The following TYR variants were observed in gnomAD, a reference collection of about 807,000 sequenced individuals.
TYR encodes the protein LB24-AB.
Under a neutral mutation model 51.5 loss-of-function variants are expected in TYR, and 58 were observed. The observed-to-expected ratio is 1.13, with a 90% CI of 0.91 to 1.40. The LOEUF (loss-of-function observed/expected upper bound fraction) is 1.40, where lower values mean the gene tolerates loss of function less well. Among genes scored for constraint, TYR ranks in the 40% most tolerant of loss-of-function variants. TYR has a pLI of 0.00. For missense variants in TYR, 732 were observed against 647.4 expected, an observed-to-expected ratio of 1.13 and a Z score of -1.42; for synonymous variants, 263 against 235.2, an observed-to-expected ratio of 1.12 and a Z score of -1.08.
chr11:89,190,205 A>T (rs1943424188), intron 1 of TYR, among the ~76,000 whole-genome samples: 1 of 152,158 alleles, frequency 6.6e-6, no homozygotes, highest in Non-Finnish European at 1.5e-5. Flanking sequence ...AGTTAACTGT[A>T]AAACAGCCTC....
chr11:89,233,387 G>A (rs1006207088), intron 3 of TYR, among the ~76,000 whole-genome samples: 2 of 139,014 alleles, frequency 1.4e-5, no homozygotes, highest in Non-Finnish European at 3.0e-5. Flanking sequence ...TCATCTATTA[G>A]GATTGGAATC....
intron 2 of TYR, among the ~76,000 whole-genome samples, chr11:89,220,229 C>G (rs1055442563): frequency 1.3e-5 from 2 of 152,094 alleles, no homozygotes; most frequent in African/African-American, 4.8e-5. Flanking sequence ...TCTGGGGAGG[C>G]TGAAACTTAC....
intron 2 of TYR, among the ~76,000 whole-genome samples, chr11:89,210,458 A>G (rs555481796): frequency 6.6e-6 from 1 of 152,360 alleles, no homozygotes; most frequent in South Asian, 2.1e-4. Flanking sequence ...TCCAATAAAT[A>G]TGGGACTATT....
At chr11:89,212,830 C>A (rs1320124737) in intron 2 of TYR, among the ~76,000 whole-genome samples, 1 of 151,960 alleles carries the variant, frequency 6.6e-6, no homozygotes, top group African/African-American at 2.4e-5. Context: ...CAGAACCAAC[C>A]ACAAAAACCA....
At chr11:89,250,738 T>G (rs1347660878) in intron 3 of TYR, among the ~76,000 whole-genome samples, 1 of 151,936 alleles carries the variant, frequency 6.6e-6, no homozygotes, top group African/African-American at 2.4e-5. Context: ...CCAGTCATAT[T>G]GCATTAGGGT....
At chr11:89,283,594 A>T (rs1944744506) in intron 3 of TYR, among the ~76,000 whole-genome samples, 1 of 151,788 alleles carries the variant, frequency 6.6e-6, no homozygotes, top group Non-Finnish European at 1.5e-5. Context: ...TAATTCTCCA[A>T]GTTCAGTGAT....
intron 4 of TYR, among the ~76,000 whole-genome samples, chr11:89,294,848 A>G (rs1318515207): frequency 6.6e-6 from 1 of 152,252 alleles, no homozygotes; most frequent in Non-Finnish European, 1.5e-5. Context: ...TGGAAAAATC[A>G]CAGCTAACAT....
In TYR at chr11:89,261,044, A is replaced by G. The variant is rs1590885172; in HGVS notation, c.1185-23729A>G. Reference sequence around the variant, plus strand: ...GTTTCATCCCAAAACCATCCCTTCAACCTCCATCCATGAAAATATTATCTT... The same window carrying G: ...GTTTCATCCCAAAACCATCCCTTCAGCCTCCATCCATGAAAATATTATCTT... On this transcript the variant is annotated intron_variant, in intron 3 of 4. Transcript: ENST00000263321. Among the ~76,000 whole-genome samples the G allele has an allele frequency of 3.9e-5, 6 of 152,152 alleles. No homozygotes were observed. In the South Asian group the frequency reaches 8.3e-4, roughly 21 times the overall value.
At chr11:89,251,038 A>C (rs961948972) in intron 3 of TYR, among the ~76,000 whole-genome samples, 3 of 151,960 alleles carry the variant, frequency 2.0e-5, no homozygotes, top group African/African-American at 7.2e-5. Context: ...TTATTTTAAG[A>C]TACAGGTGAC....
chr11:89,209,408 G>A (rs1424576129), intron 2 of TYR, among the ~76,000 whole-genome samples: 1 of 152,176 alleles, frequency 6.6e-6, no homozygotes, highest in Non-Finnish European at 1.5e-5. Flanking sequence ...CCATTGCTGA[G>A]GCTTGAGTAG....
chr11:89,190,234 G>C (rs1411087052), intron 1 of TYR, among the ~76,000 whole-genome samples: 1 of 152,096 alleles, frequency 6.6e-6, no homozygotes, highest in Non-Finnish European at 1.5e-5. Flanking sequence ...TCTCCAGGAG[G>C]TGTTCCACAA....
chr11:89,231,495 C>G lies in TYR; in HGVS notation c.1184+3525C>G, dbSNP rs1411711835. ...GAAAACCCTCTCATTTGCAACAACA[C>G]GGATGAACCTGGAGTTTAGTATGTG... On this transcript the variant is annotated intron_variant, in intron 3 of 4. Transcript: ENST00000263321. Among the ~76,000 whole-genome samples, 2 of 142,900 alleles carry G rather than the reference C, an allele frequency of 1.4e-5. 1 individual carries two copies. Among genetic ancestry groups the G allele is most frequent in the East Asian group, 4.1e-4 (2 of 4,936 alleles). 93.7% of individuals were successfully genotyped at this position (142,900 alleles called of 152,430 possible).
intron 4 of TYR, among the ~76,000 whole-genome samples, chr11:89,286,569 C>T (rs598769): frequency 0.55 from 83,506 of 151,474 alleles, 24,716 homozygotes; most frequent in African/African-American, 0.79. Context: ...GTATATGGTA[C>T]AATATATACA....
In TYR at chr11:89,285,980, C is replaced by T. The variant is rs1944781202; in HGVS notation, c.1366+1026C>T. On this transcript the variant is annotated intron_variant, in intron 4 of 4. Coordinates refer to ENST00000263321, the MANE Select transcript of TYR (RefSeq NM_000372.5). ...TATAAAATAAACGAATGAAACTCAA[C>T]CCTCTCACTCTTGTGCTCAAATCCA... Among the ~76,000 whole-genome samples the T allele has an allele frequency of 2.6e-5, 4 of 151,834 alleles. No individual in the cohort carries two copies. In the South Asian group the frequency reaches 6.2e-4, roughly 24 times the overall value.
Position 89,247,358 on chromosome 11 carries a change from C to T in TYR, c.1184+19388C>T, listed in dbSNP as rs1314584637. 1.4e-4 allele frequency among the ~76,000 whole-genome samples: 21 copies of T among 152,276 alleles called. No homozygotes were observed. The East Asian group carries it at 4.1e-3, about 29-fold the overall frequency. ...GTATAATTGATAACTCTGAGGCAGG[C>T]AGGCATCGACTGGGTTATCAGTAGC... On this transcript the variant is annotated intron_variant, in intron 3 of 4. Coordinates refer to ENST00000263321, the MANE Select transcript of TYR (RefSeq NM_000372.5).
intron 3 of TYR, among the ~76,000 whole-genome samples, chr11:89,236,998 T>C (rs1011225083): frequency 6.6e-6 from 1 of 152,168 alleles, no homozygotes; most frequent in Non-Finnish European, 1.5e-5. Context: ...TGAGAGTATT[T>C]ACACCATGAA....
chr11:89,203,080 T>G (rs1253553177), intron 2 of TYR, among the ~76,000 whole-genome samples: 1 of 152,236 alleles, frequency 6.6e-6, no homozygotes, highest in Non-Finnish European at 1.5e-5. Context: ...TACTTGCATT[T>G]CCACATTACA....
intron 2 of TYR, among the ~76,000 whole-genome samples, chr11:89,193,812 A>G (rs1189711491): frequency 6.6e-6 from 1 of 152,170 alleles, no homozygotes; most frequent in Non-Finnish European, 1.5e-5. Context: ...TGAAAATAAA[A>G]GCAATACAAA....
intron 4 of TYR, among the ~76,000 whole-genome samples, chr11:89,292,670 T>A (rs72965053): frequency 0.087 from 13,312 of 152,152 alleles, 762 homozygotes; most frequent in African/African-American, 0.16. Context: ...CAAGTTATTG[T>A]TTTCCCTGGT....
Sources: gnomAD v4.1 joint callset for allele counts (sites outside exome capture counted in the v4.1 genomes callset) on GRCh38, gnomAD v4.1.1 for gene constraint, MANE v1.5 for transcripts, NCBI Gene and HGNC (gene_info 2026-07-23, HGNC 2026-07-21) for gene names.